Variants in UQCC2 observed in about 807,000 individuals in gnomAD.
The protein encoded by UQCC2 is breast cancer-associated protein SGA-81M.
In UQCC2, 21 loss-of-function variants were observed where a neutral mutation model predicts 19.9. That is an observed-to-expected ratio of 1.05 (90% confidence interval 0.75 to 1.52). The LOEUF (loss-of-function observed/expected upper bound fraction) is 1.52. Ranked by LOEUF, UQCC2 falls within the 40% of genes most tolerant of loss-of-function variation. The pLI is 0.00. For synonymous variants in UQCC2, 57 were observed against 60.9 expected, an observed-to-expected ratio of 0.94 and a Z score of 0.30; for missense variants, 135 against 157.5, an observed-to-expected ratio of 0.86 and a Z score of 0.76.
intron 1 of UQCC2, among the ~76,000 whole-genome samples, chr6:33,708,710 G>A (rs1188533800): frequency 6.6e-6 from 1 of 152,224 alleles, no homozygotes; most frequent in Non-Finnish European, 1.5e-5. Context: ...CCAGTTTAAT[G>A]AAGAGCCTAC....
intron 1 of UQCC2, 47 bp downstream of exon 1, chr6:33,711,502 G>T (rs1271428646): frequency 6.4e-7 from 1 of 1,558,394 alleles, no homozygotes; most frequent in African/African-American, 1.4e-5. Flanking sequence ...CCCCGCCCCT[G>T]CCTCGTCCTT....
rs772603036 is a variant in UQCC2, at chr6:33,700,475, C to T, written c.252G>A (p.Ser84=). Residue 84 remains serine (S), a synonymous_variant, in exon 3 of 4, where the codon TCG becomes TCA. Coordinates refer to ENST00000607484, the MANE Select transcript of UQCC2 (RefSeq NM_032340.4). ...RPRDTSFSGL[S]LEEYKLILST... ...ACAGGATCAGCTTGTACTCTTCCAA[C>T]GACAGGCCACTGAAGCTGGTGTCTC... The T allele has an allele frequency of 5.6e-5, 91 of 1,614,056 alleles. No homozygotes were observed. Among genetic ancestry groups the T allele is most frequent in the Non-Finnish European group, 6.6e-5 (78 of 1,180,034 alleles).
At chr6:33,698,015 C>T (rs890780277) in intron 3 of UQCC2, 16 of 479,614 alleles carry the variant, frequency 3.3e-5, no homozygotes, top group Middle Eastern at 3.8e-4. Flanking sequence ...GGCATCAAAG[C>T]GGGATGTGCT....
chr6:33,697,576 A>T lies in UQCC2; in HGVS notation c.*77T>A. The T allele has an allele frequency of 8.9e-7, 1 of 1,127,644 alleles. No individual in the cohort carries two copies. Among genetic ancestry groups the T allele is most frequent in the Non-Finnish European group, 1.3e-6 (1 of 782,026 alleles). 69.9% of individuals were successfully genotyped at this position (1,127,644 alleles called of 1,614,324 possible). A position where few individuals can be genotyped will look rare whatever the true frequency, so the allele number is the denominator to read the frequency against. On this transcript the variant is annotated 3_prime_UTR_variant, in exon 4 of 4. Transcript: ENST00000607484. Reference sequence around the variant, plus strand: ...ATTCCCAAACCGTAAGGTCAAGGGGAAACTGGGGCAGTTTTATTGACGATG... The same window carrying T: ...ATTCCCAAACCGTAAGGTCAAGGGGTAACTGGGGCAGTTTTATTGACGATG...
intron 1 of UQCC2, among the ~76,000 whole-genome samples, chr6:33,705,697 A>G: frequency 6.6e-6 from 1 of 152,340 alleles, no homozygotes; most frequent in East Asian, 1.9e-4. Context: ...AAGCCTCACC[A>G]CGTTCCTATA....
At chr6:33,704,807 G>T (rs1298367347) in intron 1 of UQCC2, among the ~76,000 whole-genome samples, 3 of 152,088 alleles carry the variant, frequency 2.0e-5, no homozygotes, top group Non-Finnish European at 4.4e-5. Flanking sequence ...TTCTCTAGCA[G>T]TGAGAAGTCA....
chr6:33,709,380 A>G (rs958561703), intron 1 of UQCC2, among the ~76,000 whole-genome samples: 74 of 152,278 alleles, frequency 4.9e-4, no homozygotes, highest in African/African-American at 1.8e-3. Flanking sequence ...AGCCACAACC[A>G]ATTATTTACT....
At chr6:33,704,099 G>T (rs1765671365) in intron 1 of UQCC2, among the ~76,000 whole-genome samples, 1 of 152,204 alleles carries the variant, frequency 6.6e-6, no homozygotes, top group Non-Finnish European at 1.5e-5. Context: ...GGGCTGCTCT[G>T]AATTCCGGGC....
Position 33,697,657 on chromosome 6 carries a change from G to C in UQCC2, c.377C>G (p.Ala126Gly). 1 of 1,612,518 alleles carries C rather than the reference G, an allele frequency of 6.2e-7. No homozygotes were observed. Among genetic ancestry groups the C allele is most frequent in the Non-Finnish European group, 8.5e-7 (1 of 1,179,376 alleles). ...APKGPEEDHK[A>G] ...TGCACGAGGTAAGGCCTGAGCTCAGGCCTTATGATCCTCCTCAGGACCCTT... is the reference window on the plus strand; with the variant it reads ...TGCACGAGGTAAGGCCTGAGCTCAGCCCTTATGATCCTCCTCAGGACCCTT... The change falls in exon 4 of 4, where the codon GCC (alanine) becomes GGC (glycine). Residue 126 changes from alanine to glycine, a missense_variant. Physicochemically the swap from Ala to Gly is moderately conservative, Grantham distance 60. Coordinates refer to ENST00000607484, the MANE Select transcript of UQCC2 (RefSeq NM_032340.4).
chr6:33,701,449 G>A (rs1301851066), intron 1 of UQCC2, 29 bp from the exon 2 acceptor site: 3 of 1,607,416 alleles, frequency 1.9e-6, no homozygotes, highest in Middle Eastern at 1.6e-4. Flanking sequence ...CAAAGGAGGT[G>A]AGCAAAGGAG....
At chr6:33,709,136 G>C (rs1310168856) in intron 1 of UQCC2, among the ~76,000 whole-genome samples, 4 of 152,128 alleles carry the variant, frequency 2.6e-5, no homozygotes, top group Admixed American at 6.5e-5. Context: ...TGAATGTTAC[G>C]CTCTCTCACC....
intron 1 of UQCC2, among the ~76,000 whole-genome samples, chr6:33,705,533 C>T (rs974280101): frequency 5.3e-5 from 8 of 152,152 alleles, no homozygotes; most frequent in African/African-American, 1.9e-4. Context: ...GAGTTTGAGA[C>T]ATGCCCATTT....
intron 3 of UQCC2, chr6:33,697,993 C>A: frequency 1.9e-6 from 1 of 521,358 alleles, no homozygotes; most frequent in Non-Finnish European, 3.4e-6. Flanking sequence ...CTCCTGCCCT[C>A]TCCTCACCCT....
chr6:33,698,620 T>C (rs1453646107), intron 3 of UQCC2: 2 of 152,210 alleles, frequency 1.3e-5, no homozygotes, highest in African/African-American at 2.4e-5. Flanking sequence ...CAGGGTTTCT[T>C]GGCCTTGGCA....
chr6:33,708,607 T>C (rs558556924), intron 1 of UQCC2, among the ~76,000 whole-genome samples: 2 of 152,286 alleles, frequency 1.3e-5, no homozygotes, highest in Admixed American at 6.5e-5. Context: ...GCAGAGCTAC[T>C]TTCCCCTCCA....
chr6:33,708,600 G>C (rs952318319), intron 1 of UQCC2, among the ~76,000 whole-genome samples: 2 of 152,196 alleles, frequency 1.3e-5, no homozygotes, highest in African/African-American at 4.8e-5. Flanking sequence ...GGCATGAGCA[G>C]AGCTACTTTC....
At position 33,697,272 on chromosome 6, in the gene UQCC2, C is replaced by G. The variant is rs746343584; in HGVS notation, c.*381G>C. 14 of 181,016 alleles carry G rather than the reference C, an allele frequency of 7.7e-5. No homozygotes were observed. The highest frequency in any genetic ancestry group is 1.3e-4 in the Non-Finnish European group (11 of 87,142). The allele number at this position is 181,016 out of a possible 1,614,324, so 11.2% of individuals were successfully genotyped here. ...AGTATTTACTGCTATTTTTGGCTTC[C>G]TCCCAGGAGCTCCTACAACAAAAGG... On this transcript the variant is annotated 3_prime_UTR_variant, in exon 4 of 4. Coordinates refer to ENST00000607484, the MANE Select transcript of UQCC2 (RefSeq NM_032340.4).
Position 33,697,381 on chromosome 6 carries a change from C to T in UQCC2, c.*272G>A, listed in dbSNP as rs1467550778. 5.7e-6 allele frequency: 2 copies of T among 348,778 alleles called. No homozygotes were observed. The highest frequency in any genetic ancestry group is 8.7e-5 in the South Asian group (1 of 11,542). 21.6% of individuals were successfully genotyped at this position (348,778 alleles called of 1,614,324 possible). A position where few individuals can be genotyped will look rare whatever the true frequency, so the allele number is the denominator to read the frequency against. ...TGGCAATGCAGGAAGCACCTTGTGC[C>T]GAGGCCCCATTACCCTCATCAGGCC... On this transcript the variant is annotated 3_prime_UTR_variant, in exon 4 of 4. Coordinates refer to ENST00000607484, the MANE Select transcript of UQCC2 (RefSeq NM_032340.4).
At chr6:33,697,779 G>A in intron 3 of UQCC2, 29 bp from the exon 4 acceptor site, 1 of 1,583,334 alleles carries the variant, frequency 6.3e-7, no homozygotes, top group Non-Finnish European at 8.6e-7. Context: ...AAAAGAGAGA[G>A]GGACTGAAGT....
Sources: gnomAD v4.1 joint callset for allele counts (sites outside exome capture counted in the v4.1 genomes callset) on GRCh38, gnomAD v4.1.1 for gene constraint, MANE v1.5 for transcripts, NCBI Gene and HGNC (gene_info 2026-07-23, HGNC 2026-07-21) for gene names.